The following SEMA4G variants were observed in gnomAD, a reference collection of about 807,000 sequenced individuals.
SEMA4G encodes semaphorin-4G.
In SEMA4G, 59 loss-of-function variants were observed where a neutral mutation model predicts 81.2. The ratio of observed to expected loss-of-function variants is 0.73; its 90% CI spans 0.59 to 0.90. The LOEUF (loss-of-function observed/expected upper bound fraction) is 0.90, where lower values mean the gene tolerates loss of function less well. SEMA4G is among the 40% of genes least tolerant of loss of function. The pLI is 0.00. For missense variants in SEMA4G, 952 were observed against 1,102.3 expected (o/e 0.86, Z 1.93); for synonymous variants, 404 against 433.9 (o/e 0.93, Z 0.86).
At chr10:100,981,302 A>G (rs2133889534) in intron 13 of SEMA4G, 73 bp downstream of exon 14, 5 of 1,597,082 alleles carry the variant, frequency 3.1e-6, no homozygotes, top group East Asian at 2.2e-5. Context: ...ATGTGTACGT[A>G]TATGTTTGTA....
chr10:100,978,298 G>T, exon 5 of SEMA4G: 1 of 1,612,144 alleles, frequency 6.2e-7, no homozygotes, highest in Non-Finnish European at 8.5e-7. Context: ...TCCCTAGGAT[G>T]CTGAGGCCTT....
At chr10:100,969,776 G>T, upstream of SEMA4G, 1 of 437,066 alleles carries the variant, frequency 2.3e-6, no homozygotes, top group East Asian at 7.2e-5. Flanking sequence ...GGGCTGCGCG[G>T]GGTGCAAACC....
chr10:100,973,139 G>A lies in SEMA4G; in HGVS notation c.135G>A (p.Gly45=). ...TCCTGCTCTCCCCAGAGCTCTCTGG[G>A]ACCCGGCACTTCAAGGGCCAAGCCC... is the stretch of plus-strand genomic sequence containing the variant. The change falls in exon 2 of 14, where the codon GGG becomes GGA. Residue 45 remains glycine, a synonymous_variant. Transcript: ENST00000370250. The surrounding 1 kb of genome is among the most constrained non-coding windows in gnomAD (Gnocchi z 5.5). The A allele has an allele frequency of 2.5e-6, 4 of 1,613,972 alleles. No homozygotes were observed. Among genetic ancestry groups the A allele is most frequent in the African/African-American group, 2.7e-5 (2 of 75,004 alleles).
Position 100,983,370 on chromosome 10 carries a change from C to T in SEMA4G, c.1756C>T (p.Gln586Ter), listed in dbSNP as rs761068926. 7.5e-6 allele frequency: 12 copies of T among 1,606,982 alleles called. No individual in the cohort carries two copies. The highest frequency in any genetic ancestry group is 1.7e-5 in the Admixed American group (1 of 58,918). ...TGATGATGTCCTCCTGCCCTGTGAC[C>T]AGCCATCCAACCTGGCCCGGGCCTT... is the stretch of plus-strand genomic sequence containing the variant. Residue 586 changes from glutamine (Q) to a stop codon, truncating the protein, a stop_gained, in exon 14 of 14, where the codon CAG becomes TAG. Coordinates refer to ENST00000370250, the Ensembl canonical transcript of SEMA4G. LOFTEE classifies it high-confidence loss of function.
At chr10:100,980,964 C>A in exon 12 of SEMA4G, 1 of 1,604,496 alleles carries the variant, frequency 6.2e-7, no homozygotes, top group Non-Finnish European at 8.5e-7. Context: ...TGCGCAGCAG[C>A]CACCACCATA....
At chr10:100,978,387 T>C (rs775849846) in exon 5 of SEMA4G, 3 of 1,612,624 alleles carry the variant, frequency 1.9e-6, no homozygotes, top group Non-Finnish European at 2.5e-6. Context: ...GCCTCATCAT[T>C]GGTGAGCAGG....
Position 100,979,274 on chromosome 10 carries a change from C to A in SEMA4G, c.983+3C>A. 1.2e-6 allele frequency: 2 copies of A among 1,614,128 alleles called. No individual in the cohort carries two copies. The highest frequency in any genetic ancestry group is 2.2e-5 in the South Asian group (2 of 91,050). On this transcript the variant is annotated splice_donor_region_variant and intron_variant, in intron 8 of 13. Transcript: ENST00000370250. ...GCCTTCACGCTGAGCACACAGTGGT[C>A]AGTGCAGGGACAATCGGGAGGCAAG...
chr10:100,977,915 T>C (rs923257764), intron 4 of SEMA4G, 185 bp downstream of exon 5: 14 of 601,200 alleles, frequency 2.3e-5, no homozygotes, highest in Middle Eastern at 2.6e-4. Flanking sequence ...GTAAAAACCA[T>C]GCAGTTTTTA....
rs1367633663 is a variant in SEMA4G at position 100,973,986 on chromosome 10, G to C, written c.336+377G>C. 6.6e-6 allele frequency among the ~76,000 whole-genome samples: 1 copy of C among 151,768 alleles called. No homozygotes were observed. Among genetic ancestry groups the C allele is most frequent in the Non-Finnish European group, 1.5e-5 (1 of 67,954 alleles). The stretch of plus-strand genomic sequence containing the variant: ...AAACAGGGTCTTGCTATGTTGCCCA[G>C]GCTGGTCTTGAACTCCTGGCCTCAA... On this transcript the variant is annotated intron_variant, in intron 3 of 13. Transcript: ENST00000370250. This position sits in a 1 kb window ranked among gnomAD's most constrained non-coding sequence, Gnocchi z 5.5.
At chr10:100,972,988 C>A in exon 1 of SEMA4G, 1 of 1,614,092 alleles carries the variant, frequency 6.2e-7, no homozygotes, top group Non-Finnish European at 8.5e-7. Context: ...ACTGCGGAGA[C>A]CGTCTAGAGA....
At position 100,981,010 on chromosome 10, in the gene SEMA4G, G is replaced by A; in HGVS notation, c.1628+28G>A. 1 of 1,591,892 alleles carries A rather than the reference G, an allele frequency of 6.3e-7. No homozygotes were observed. Among genetic ancestry groups the A allele is most frequent in the East Asian group, 2.2e-5 (1 of 44,736 alleles). ...CCCAGGGAAGCAGGTGGGAAGTGGT[G>A]GGGGGTGACAGTCACATGTGGTCTG... On this transcript the variant is annotated intron_variant, in intron 12 of 13. Coordinates refer to ENST00000370250, the Ensembl canonical transcript of SEMA4G.
In SEMA4G at chr10:100,978,205, C is replaced by T. The variant is rs369802091; in HGVS notation, c.436-90C>T. 69 of 886,456 alleles carry T rather than the reference C, an allele frequency of 7.8e-5. 1 individual carries two copies. Among genetic ancestry groups the T allele is most frequent in the African/African-American group, 2.7e-4 (16 of 60,042 alleles). 54.9% of individuals were successfully genotyped at this position (886,456 alleles called of 1,614,324 possible). A position where few individuals can be genotyped will look rare whatever the true frequency, so the allele number is the denominator to read the frequency against. On this transcript the variant is annotated intron_variant, in intron 4 of 13. Coordinates refer to ENST00000370250, the Ensembl canonical transcript of SEMA4G. ...CATACAACCTGCCCCTATCCCTGAT[C>T]GCTGATCCCTGACCCCAGACTGATC...
At chr10:100,983,859 C>T in exon 14 of SEMA4G, 1 of 1,580,542 alleles carries the variant, frequency 6.3e-7, no homozygotes, top group Non-Finnish European at 8.6e-7. Flanking sequence ...GGCTGGGGGC[C>T]TGGAGGGCAG....
intron 13 of SEMA4G, chr10:100,981,553 G>A: frequency 6.2e-7 from 1 of 1,613,712 alleles, no homozygotes; most frequent in South Asian, 1.1e-5. Flanking sequence ...TCTGAAGAAA[G>A]AACAAAAGTT....
At position 100,977,620 on chromosome 10, in the gene SEMA4G, C is replaced by T; in HGVS notation, c.337-12C>T. On this transcript the variant is annotated splice_polypyrimidine_tract_variant and intron_variant, in intron 3 of 13. Coordinates refer to ENST00000370250, the Ensembl canonical transcript of SEMA4G. ...GCAGGGGGCTCACAGCCCTCTCCAC[C>T]TCATCCCACAGACGGAGTGCTTTAA... is the stretch of plus-strand genomic sequence containing the variant. 6.2e-7 allele frequency: 1 copy of T among 1,611,900 alleles called. No homozygotes were observed. Among genetic ancestry groups the T allele is most frequent in the Non-Finnish European group, 8.5e-7 (1 of 1,177,988 alleles).
exon 10 of SEMA4G, chr10:100,980,331 C>T (rs2133884897): frequency 6.2e-7 from 1 of 1,614,014 alleles, no homozygotes; most frequent in Non-Finnish European, 8.5e-7. Flanking sequence ...ATGACCTGCT[C>T]TTTCTGGGCA....
intron 13 of SEMA4G, chr10:100,981,482 G>T: frequency 1.2e-6 from 2 of 1,614,172 alleles, no homozygotes; most frequent in South Asian, 2.2e-5. Flanking sequence ...AGTAGTGGAT[G>T]ACAAGGGTTC....
chr10:100,972,743 A>C, exon 1 of SEMA4G: 17 of 537,296 alleles, frequency 3.2e-5, no homozygotes, highest in Admixed American at 3.5e-5. Context: ...CGATTCCAGG[A>C]CCCCCCATGG....
Position 100,977,728 on chromosome 10 carries a change from AT to A in SEMA4G, c.435del (p.Ile145MetfsTer59). The A allele has an allele frequency of 6.2e-7, 1 of 1,611,286 alleles. No individual in the cohort carries two copies. Among genetic ancestry groups the A allele is most frequent in the South Asian group, 1.1e-5 (1 of 91,026 alleles). Reference sequence around the variant, plus strand: ...CGCCTTCCAGCCCCTCTGTGCAGCCATTGTGAGTATACCTGTGTTGTGCCAG... The same window carrying A: ...CGCCTTCCAGCCCCTCTGTGCAGCCATGTGAGTATACCTGTGTTGTGCCAG... On this transcript the variant is annotated frameshift_variant and splice_region_variant, in exon 4 of 14. Transcript: ENST00000370250. LOFTEE classifies it high-confidence loss of function.
Sources: allele counts gnomAD v4.1 joint callset (sites outside exome capture counted in the v4.1 genomes callset), GRCh38; gene constraint gnomAD v4.1.1; non-coding constraint Gnocchi (gnomAD v3.1); transcripts MANE v1.5; gene names NCBI Gene and HGNC (gene_info 2026-07-23, HGNC 2026-07-21).